ELF1: variants seen among roughly 807,000 people sequenced by gnomAD.
ELF1 encodes E74 like ETS transcription factor 1, also known as ETS-related transcription factor Elf-1.
ELF1 carries 24 observed loss-of-function variants against 59.9 expected under a neutral mutation model. The observed-to-expected ratio is 0.40, with a 90% CI of 0.29 to 0.56. ELF1 has a LOEUF of 0.56. Among genes scored for constraint, ELF1 ranks in the 20% least tolerant of loss-of-function variants. ELF1 has a pLI of 0.44. For synonymous variants in ELF1, 248 were observed against 266.2 expected (o/e 0.93, Z 0.67); for missense variants, 627 against 742.2 (o/e 0.84, Z 1.80).
chr13:41,043,482 A>C (rs1593410064), intron 1 of ELF1, among the ~76,000 whole-genome samples: 1 of 152,064 alleles, frequency 6.6e-6, no homozygotes, highest in Non-Finnish European at 1.5e-5. Context: ...AATTTTTTGT[A>C]AGGTATAAGG....
At chr13:40,943,809 G>A in intron 6 of ELF1, 33 bp downstream of exon 6, 4 of 1,575,950 alleles carry the variant, frequency 2.5e-6, no homozygotes, top group Non-Finnish European at 3.5e-6. Context: ...CAATCTGAGT[G>A]TTATTTGACC....
chr13:40,977,743 C>T (rs1873000813), intron 2 of ELF1, among the ~76,000 whole-genome samples: 1 of 152,132 alleles, frequency 6.6e-6, no homozygotes, highest in South Asian at 2.1e-4. Flanking sequence ...CTCTAAAATT[C>T]ATTCAAAATC....
chr13:41,002,559 C>A (rs1874519638), intron 1 of ELF1, among the ~76,000 whole-genome samples: 1 of 144,736 alleles, frequency 6.9e-6, no homozygotes, highest in Non-Finnish European at 1.5e-5. Flanking sequence ...GAGCCACTTG[C>A]ACTCCACAGA....
intron 3 of ELF1, among the ~76,000 whole-genome samples, chr13:40,956,813 C>A (rs1490219236): frequency 6.6e-6 from 1 of 150,778 alleles, no homozygotes; most frequent in African/African-American, 2.4e-5. Flanking sequence ...CTGCCTCAGC[C>A]TTCCGAATAG....
chr13:41,056,489 C>T lies in ELF1; in HGVS notation c.-229+4349G>A, dbSNP rs9566679. The stretch of plus-strand genomic sequence containing the variant: ...CATGTTTTCATTTCTACTGGGTACA[C>T]ACCTAGGAGTGGAAATACTGGATCA... On this transcript the variant is annotated intron_variant, in intron 1 of 1. Transcript: ENST00000405737. Among the ~76,000 whole-genome samples the T allele has an allele frequency of 2.7e-3, 416 of 152,348 alleles. 8 individuals carry two copies. In the East Asian group the frequency reaches 0.049, roughly 18 times the overall value.
intron 1 of ELF1, among the ~76,000 whole-genome samples, chr13:41,044,604 T>C (rs1876763503): frequency 6.6e-6 from 1 of 152,236 alleles, no homozygotes; most frequent in South Asian, 2.1e-4. Context: ...TTTATTGATT[T>C]GCTTATGTTG....
chr13:41,046,463 C>CT (rs1488529530), intron 1 of ELF1, among the ~76,000 whole-genome samples: 1 of 152,184 alleles, frequency 6.6e-6, no homozygotes, highest in Non-Finnish European at 1.5e-5. Context: ...TTCAGGAGCT[C>CT]TTGCAGCGCA....
rs9566669 is a variant in ELF1 at position 41,033,711 on chromosome 13, A to G, written c.-229+27127T>C. ...TGAGAATCTAACGCCCAATGATTTG[A>G]GGTGGAACAGTTTCATCCTGAAACC... On this transcript the variant is annotated intron_variant, in intron 1 of 1. Coordinates refer to the ELF1 transcript ENST00000405737. Among the ~76,000 whole-genome samples, 416 of 152,318 alleles carry G rather than the reference A, an allele frequency of 2.7e-3. 8 individuals carry two copies. The East Asian group carries it at 0.049, about 18-fold the overall frequency.
rs987371423 is a variant in ELF1 at position 40,933,800 on chromosome 13, A to T, written c.1485T>A (p.Pro495=). ...MLQSQKAGSP[P]SIVLGPAQVQ... Reference sequence around the variant, plus strand: ...CCTGGGCAGGGCCCAAGACAATTGAAGGAGGAGAGCCCGCCTTTTGTGACT... The same window carrying T: ...CCTGGGCAGGGCCCAAGACAATTGATGGAGGAGAGCCCGCCTTTTGTGACT... Residue 495 remains proline, a synonymous_variant, in exon 9 of 9, where the codon CCT becomes CCA. Coordinates refer to ENST00000239882, the MANE Select transcript of ELF1 (RefSeq NM_172373.4). The T allele has an allele frequency of 2.5e-6, 4 of 1,614,152 alleles. No individual in the cohort carries two copies. Among genetic ancestry groups the T allele is most frequent in the Non-Finnish European group, 3.4e-6 (4 of 1,180,050 alleles).
rs142573729 is a variant in ELF1, at chr13:40,934,818, G to A, written c.1257-790C>T. ...TATTCAACCTGTTTTTACATATAAAGGGAGAAGTGCTTAATTAACCTAAAC... is the reference window on the plus strand; with the variant it reads ...TATTCAACCTGTTTTTACATATAAAAGGAGAAGTGCTTAATTAACCTAAAC... On this transcript the variant is annotated intron_variant, in intron 8 of 8. Coordinates refer to ENST00000239882, the MANE Select transcript of ELF1 (RefSeq NM_172373.4). Among the ~76,000 whole-genome samples the A allele has an allele frequency of 2.6e-5, 4 of 152,248 alleles. No individual in the cohort carries two copies. In the East Asian group the frequency reaches 7.7e-4, roughly 29 times the overall value.
chr13:40,980,227 G>C (rs1051714597), intron 2 of ELF1, among the ~76,000 whole-genome samples: 1 of 152,190 alleles, frequency 6.6e-6, no homozygotes, highest in African/African-American at 2.4e-5. Context: ...TTTACTGGCT[G>C]TATGATTCCA....
At chr13:40,958,677 C>T (rs1027014273) in intron 3 of ELF1, among the ~76,000 whole-genome samples, 159 bp downstream of exon 3, 1 of 152,112 alleles carries the variant, frequency 6.6e-6, no homozygotes, top group African/African-American at 2.4e-5. Flanking sequence ...GCAGATGAAA[C>T]AGAAAATGTA....
intron 1 of ELF1, among the ~76,000 whole-genome samples, chr13:41,015,623 C>T (rs995540651): frequency 5.3e-5 from 8 of 152,110 alleles, no homozygotes; most frequent in South Asian, 2.1e-4. Context: ...GCAAATCCTA[C>T]GCCTAATGAA....
At chr13:40,977,930 G>A (rs1023938456) in intron 2 of ELF1, among the ~76,000 whole-genome samples, 1 of 152,228 alleles carries the variant, frequency 6.6e-6, no homozygotes, top group Non-Finnish European at 1.5e-5. Context: ...AAAGGTGGCA[G>A]TTTAAGTGTG....
At position 40,950,194 on chromosome 13, in the gene ELF1, C is replaced by G. The variant is rs539526561; in HGVS notation, c.362-221G>C. ...GTCTTTCTTACTTGACTTCCTATCA[C>G]CAGTCTGTCTCATCTCTCCTCTTGA... is the stretch of plus-strand genomic sequence containing the variant. On this transcript the variant is annotated intron_variant, in intron 4 of 8. Coordinates refer to ENST00000239882, the MANE Select transcript of ELF1 (RefSeq NM_172373.4). 5.9e-5 allele frequency among the ~76,000 whole-genome samples: 9 copies of G among 152,330 alleles called. No homozygotes were observed. The South Asian group carries it at 1.9e-3, about 32-fold the overall frequency.
chr13:40,970,998 G>C (rs1872515831), intron 2 of ELF1, among the ~76,000 whole-genome samples: 1 of 152,060 alleles, frequency 6.6e-6, no homozygotes, highest in Non-Finnish European at 1.5e-5. Flanking sequence ...CACAACACTA[G>C]GCTATATATT....
At chr13:40,971,760 G>A (rs1309194230) in intron 2 of ELF1, among the ~76,000 whole-genome samples, 1 of 152,140 alleles carries the variant, frequency 6.6e-6, no homozygotes, top group African/African-American at 2.4e-5. Flanking sequence ...TCTTTGCCTA[G>A]ATTCTTCTTT....
intron 2 of ELF1, among the ~76,000 whole-genome samples, chr13:40,961,870 C>A (rs538049242): frequency 6.6e-6 from 1 of 152,172 alleles, no homozygotes; most frequent in Non-Finnish European, 1.5e-5. Flanking sequence ...CAGAGACAGG[C>A]GTGTAAAATG....
chr13:41,060,552 C>T (rs1465248422), intron 1 of ELF1, among the ~76,000 whole-genome samples: 1 of 152,116 alleles, frequency 6.6e-6, no homozygotes, highest in African/African-American at 2.4e-5. Context: ...TTCGCTTCTC[C>T]AGCAGGCACG....
Sources: allele counts gnomAD v4.1 joint callset (sites outside exome capture counted in the v4.1 genomes callset), GRCh38; gene constraint gnomAD v4.1.1; transcripts MANE v1.5; gene names NCBI Gene and HGNC (gene_info 2026-07-23, HGNC 2026-07-21).